ADK: variants seen among roughly 807,000 people sequenced by gnomAD.
ADK encodes adenosine kinase, also known as N6,N6-dimethyladenosine kinase.
ADK carries 24 observed loss-of-function variants against 44.7 expected under a neutral mutation model. That is an observed-to-expected ratio of 0.54 (90% confidence interval 0.39 to 0.76). ADK has a LOEUF of 0.76. Ranked by LOEUF, ADK falls within the 30% of genes least tolerant of loss-of-function variation. The pLI, the probability that ADK is intolerant of heterozygous loss-of-function variation, is 0.00. For missense variants in ADK, 321 were observed against 425.1 expected (o/e 0.76, Z 2.15); for synonymous variants, 128 against 142.6 (o/e 0.90, Z 0.73).
chr10:74,230,370 A>G lies in ADK; in HGVS notation c.194+5779A>G, dbSNP rs376691619. ...TAACATTGATAAAATGACTTGCTAT[A>G]GTTTACATTGCTACTTAAGGACAGT... On this transcript the variant is annotated intron_variant, in intron 3 of 10. Transcript: ENST00000539909. 2.4e-4 allele frequency among the ~76,000 whole-genome samples: 37 copies of G among 152,190 alleles called. 1 individual carries two copies. The highest frequency in any genetic ancestry group is 6.8e-3 in the Middle Eastern group (2 of 294).
chr10:74,559,250 C>G (rs368083370), intron 7 of ADK, among the ~76,000 whole-genome samples: 39 of 152,252 alleles, frequency 2.6e-4, no homozygotes, highest in African/African-American at 8.9e-4. Context: ...TACACGCAAC[C>G]TGGGTTGTGG....
chr10:74,244,568 A>G (rs980866784), intron 3 of ADK, among the ~76,000 whole-genome samples: 1 of 152,206 alleles, frequency 6.6e-6, no homozygotes, highest in African/African-American at 2.4e-5. Context: ...TATTAACTTC[A>G]TAGCTGTATA....
At chr10:74,608,277 G>A (rs1490861977) in intron 9 of ADK, among the ~76,000 whole-genome samples, 1 of 151,946 alleles carries the variant, frequency 6.6e-6, no homozygotes, top group African/African-American at 2.4e-5. Context: ...TCCCTTGCTG[G>A]TGAGGAGTTG....
chr10:74,664,111 T>C (rs1237206052), intron 9 of ADK, among the ~76,000 whole-genome samples: 1 of 152,182 alleles, frequency 6.6e-6, no homozygotes, highest in Non-Finnish European at 1.5e-5. Context: ...TTTATGATAA[T>C]AGAAGATTGA....
chr10:74,487,573 T>C (rs555310060), intron 6 of ADK, among the ~76,000 whole-genome samples: 4 of 152,068 alleles, frequency 2.6e-5, no homozygotes, highest in African/African-American at 7.2e-5. Flanking sequence ...TTTAGTAATA[T>C]TTTTCTCAAC....
chr10:74,655,319 TG>T, intron 9 of ADK: 1 of 428,058 alleles, frequency 2.3e-6, no homozygotes, highest in Non-Finnish European at 4.5e-6. Flanking sequence ...AAAAAGGAAC[TG>T]GAATAAGAAA....
chr10:74,594,274 C>G (rs571810577), intron 8 of ADK, among the ~76,000 whole-genome samples: 1 of 151,718 alleles, frequency 6.6e-6, no homozygotes, highest in South Asian at 2.1e-4. Context: ...CCATGGCACG[C>G]GTATACCTCT....
chr10:74,636,461 A>G (rs779753605), intron 9 of ADK, among the ~76,000 whole-genome samples: 25 of 152,316 alleles, frequency 1.6e-4, no homozygotes, highest in Admixed American at 5.9e-4. Context: ...TATCAAACGG[A>G]TCAATTTGGA....
At chr10:74,371,637 G>A (rs1431868990) in intron 4 of ADK, 15 of 999,702 alleles carry the variant, frequency 1.5e-5, no homozygotes, top group Non-Finnish European at 2.2e-5. Flanking sequence ...CTTCCAGATG[G>A]AACAGTACAT....
rs529911090 is a variant in ADK at position 74,699,013 on chromosome 10, AT to A, written c.965-9292del. 5.4e-3 allele frequency among the ~76,000 whole-genome samples: 755 copies of A among 139,988 alleles called. 2 individuals carry two copies. Among genetic ancestry groups the A allele is most frequent in the South Asian group, 0.018 (78 of 4,344 alleles). 91.8% of individuals were successfully genotyped at this position (139,988 alleles called of 152,430 possible). ...AGGTGCATGCCACCACGCCCAGCTA[AT>A]TTTTTTTTTTTTTTTATGTAGAGAC... On this transcript the variant is annotated intron_variant, in intron 10 of 10. Coordinates refer to ENST00000539909, the MANE Select transcript of ADK (RefSeq NM_006721.4).
Position 74,476,469 on chromosome 10 carries a change from G to A in ADK, c.556-48787G>A, listed in dbSNP as rs370319820. ...ATCGTGCCACTGCACTCCAGCCTGCGTAACAAGAGCAAAACTCCATCTCAA... is the reference window on the plus strand; with the variant it reads ...ATCGTGCCACTGCACTCCAGCCTGCATAACAAGAGCAAAACTCCATCTCAA... On this transcript the variant is annotated intron_variant, in intron 6 of 10. Coordinates refer to ENST00000539909, the MANE Select transcript of ADK (RefSeq NM_006721.4). 3.2e-4 allele frequency among the ~76,000 whole-genome samples: 48 copies of A among 151,008 alleles called. 1 individual carries two copies. Among genetic ancestry groups the A allele is most frequent in the Middle Eastern group, 6.8e-3 (2 of 294 alleles).
chr10:74,155,973 TTTAAGA>T (rs1841739228), intron 1 of ADK, among the ~76,000 whole-genome samples: 1 of 152,226 alleles, frequency 6.6e-6, no homozygotes. Flanking sequence ...AATTTAATCC[TTTAAGA>T]TTAAGGCTTT....
At chr10:74,559,397 C>A (rs1232712489) in intron 7 of ADK, among the ~76,000 whole-genome samples, 1 of 152,224 alleles carries the variant, frequency 6.6e-6, no homozygotes. Context: ...ACTTATCTAT[C>A]TGCCTTATTT....
At chr10:74,493,332 A>G (rs1391256418) in intron 6 of ADK, among the ~76,000 whole-genome samples, 1 of 149,762 alleles carries the variant, frequency 6.7e-6, no homozygotes, top group Non-Finnish European at 1.5e-5. Context: ...ACAGGTGTGC[A>G]CCAACACACC....
chr10:74,412,870 C>T (rs1193389671), intron 6 of ADK, among the ~76,000 whole-genome samples: 4 of 152,066 alleles, frequency 2.6e-5, no homozygotes, highest in South Asian at 2.1e-4. Context: ...CCAGCCTGGT[C>T]GACATGGTGA....
chr10:74,366,432 TA>T (rs989680283), intron 4 of ADK, among the ~76,000 whole-genome samples: 122 of 152,222 alleles, frequency 8.0e-4, no homozygotes, highest in African/African-American at 2.8e-3. Context: ...GTTTACTTTT[TA>T]AAAAAAATAT....
At position 74,506,350 on chromosome 10, in the gene ADK, C is replaced by CT. The variant is rs879611325; in HGVS notation, c.556-18898dup. 809 of 259,552 alleles carry CT rather than the reference C, an allele frequency of 3.1e-3. 3 individuals carry two copies. Among genetic ancestry groups the CT allele is most frequent in the Admixed American group, 7.2e-3 (159 of 21,946 alleles). 16.1% of individuals were successfully genotyped at this position (259,552 alleles called of 1,614,324 possible). A position where few individuals can be genotyped will look rare whatever the true frequency, so the allele number is the denominator to read the frequency against. On this transcript the variant is annotated intron_variant, in intron 6 of 10. Transcript: ENST00000539909. ...CTACGGTACATATCAAGCAAGTCAG[C>CT]TTTTTTTTGTAATGATTTTTCTCTG...
intron 6 of ADK, chr10:74,423,809 C>T: frequency 3.2e-6 from 1 of 314,792 alleles, no homozygotes; most frequent in South Asian, 3.1e-5. Context: ...CGCTCCTGTC[C>T]AGCGCTGCCC....
chr10:74,283,171 A>G (rs936968357), intron 3 of ADK, among the ~76,000 whole-genome samples: 3 of 152,194 alleles, frequency 2.0e-5, no homozygotes, highest in Admixed American at 1.3e-4. Flanking sequence ...GTTCTCATGT[A>G]GATGACGTTT....
Sources: gnomAD v4.1 joint callset for allele counts (sites outside exome capture counted in the v4.1 genomes callset) on GRCh38, gnomAD v4.1.1 for gene constraint, MANE v1.5 for transcripts, NCBI Gene and HGNC (gene_info 2026-07-23, HGNC 2026-07-21) for gene names.